Variants in PLAA observed in about 807,000 individuals in gnomAD.
The protein encoded by PLAA is phospholipase A2 activating protein.
PLAA carries 48 observed loss-of-function variants against 84.1 expected under a neutral mutation model. The ratio of observed to expected loss-of-function variants is 0.57; its 90% confidence interval spans 0.45 to 0.73. The LOEUF (loss-of-function observed/expected upper bound fraction) is 0.73, where lower values mean the gene tolerates loss of function less well. PLAA is among the 30% of genes least tolerant of loss of function. The pLI is 0.00. For synonymous variants in PLAA, 392 were observed against 336.6 expected, an observed-to-expected ratio of 1.16 and a Z score of -1.80; for missense variants, 903 against 954.7, an observed-to-expected ratio of 0.95 and a Z score of 0.71.
intron 12 of PLAA, among the ~76,000 whole-genome samples, chr9:26,908,763 C>T (rs1455501303): frequency 1.3e-5 from 2 of 152,112 alleles, no homozygotes; most frequent in Non-Finnish European, 2.9e-5. Flanking sequence ...CATGAGCCAC[C>T]ACGTCCGGCC....
At chr9:26,922,733 G>A (rs958980202) in intron 7 of PLAA, among the ~76,000 whole-genome samples, 5 of 150,750 alleles carry the variant, frequency 3.3e-5, no homozygotes, top group African/African-American at 1.2e-4. Flanking sequence ...ATGGTGTGGT[G>A]TCGGCTCACC....
At chr9:26,910,269 A>C in intron 12 of PLAA, 69 bp downstream of exon 12, 15 of 1,154,548 alleles carry the variant, frequency 1.3e-5, no homozygotes, top group Non-Finnish European at 1.8e-5. Context: ...CATGTTGGCA[A>C]GAGAAACAAC....
chr9:26,935,376 T>C (rs1285451216), intron 1 of PLAA, among the ~76,000 whole-genome samples, 170 bp from the exon 2 acceptor site: 1 of 152,186 alleles, frequency 6.6e-6, no homozygotes, highest in African/African-American at 2.4e-5. Flanking sequence ...TATGAACTAC[T>C]ATAGAGAATT....
intron 1 of PLAA, among the ~76,000 whole-genome samples, chr9:26,946,490 A>T (rs1288661643): frequency 4.6e-5 from 7 of 151,088 alleles, no homozygotes; most frequent in Non-Finnish European, 5.9e-5. Context: ...AATTTTACAG[A>T]AGACTACAGA....
chr9:26,933,438 G>A (rs1180439673), intron 2 of PLAA, among the ~76,000 whole-genome samples: 2 of 151,688 alleles, frequency 1.3e-5, no homozygotes, highest in Non-Finnish European at 2.9e-5. Context: ...GTGACAGACC[G>A]AGACTCCGTC....
chr9:26,927,893 G>A (rs780115968), intron 4 of PLAA, among the ~76,000 whole-genome samples: 1 of 152,076 alleles, frequency 6.6e-6, no homozygotes, highest in Admixed American at 6.5e-5. Flanking sequence ...CTATTTATCA[G>A]TCTACATTTG....
chr9:26,917,032 G>A, intron 10 of PLAA, 65 bp downstream of exon 10: 2 of 1,309,708 alleles, frequency 1.5e-6, no homozygotes, highest in Non-Finnish European at 1.1e-6. Flanking sequence ...AAGATGTAAA[G>A]CCATGTGATG....
chr9:26,945,950 T>C (rs1402825986), intron 1 of PLAA, among the ~76,000 whole-genome samples: 1 of 152,258 alleles, frequency 6.6e-6, no homozygotes, highest in Non-Finnish European at 1.5e-5. Flanking sequence ...TAATTATTTA[T>C]TGGCTTGTTT....
chr9:26,939,296 G>A (rs1038756604), intron 1 of PLAA, among the ~76,000 whole-genome samples: 1 of 152,046 alleles, frequency 6.6e-6, no homozygotes, highest in African/African-American at 2.4e-5. Context: ...GCTGAGGCAG[G>A]AGAATGGCGT....
In PLAA at chr9:26,925,776, C is replaced by T. The variant is rs757620039; in HGVS notation, c.869+49G>A. On this transcript the variant is annotated intron_variant, in intron 6 of 13. Transcript: ENST00000397292. Reference sequence around the variant, plus strand: ...TTATCTCTGTACACTCTAGTTCCTACTGAAGGCCTAGACATATAACATTTA... The same window carrying T: ...TTATCTCTGTACACTCTAGTTCCTATTGAAGGCCTAGACATATAACATTTA... The T allele has an allele frequency of 1.2e-5, 18 of 1,554,016 alleles. No homozygotes were observed. The African/African-American group carries it at 1.4e-4, about 12-fold the overall frequency.
chr9:26,946,994 C>G lies in PLAA; in HGVS notation c.52G>C (p.Glu18Gln), dbSNP rs746683460. 1.9e-6 allele frequency: 3 copies of G among 1,594,840 alleles called. No individual in the cohort carries two copies. In the African/African-American group the frequency reaches 4.0e-5, roughly 21 times the overall value. The change falls in exon 1 of 14, where the codon GAG becomes CAG. Residue 18 changes from glutamate (E) to glutamine (Q), a missense_variant. Glu to Gln is a conservative substitution (Grantham distance 29). Coordinates refer to ENST00000397292, the MANE Select transcript of PLAA (RefSeq NM_001031689.3). ...CACACCAGGCCCCGTACGTCCAGCTCGTGGCCCCGGAGCGAGCAGCTCAGC... is the reference window on the plus strand; with the variant it reads ...CACACCAGGCCCCGTACGTCCAGCTGGTGGCCCCGGAGCGAGCAGCTCAGC... ...YRLSCSLRGHELDVRGLVCCA... is the reference protein window; with the variant it reads ...YRLSCSLRGHQLDVRGLVCCA...
rs12341560 is a variant in PLAA, at chr9:26,913,662, A to G, written c.1555+217T>C. ...AGACCAAGTAAGCATCTCTGGGGAT[A>G]AGGCTGAAGTACGTTTGCAAAGCTC... is the stretch of plus-strand genomic sequence containing the variant. On this transcript the variant is annotated intron_variant, in intron 11 of 13. Transcript: ENST00000397292. Among the ~76,000 whole-genome samples the G allele has an allele frequency of 9.1e-3, 1,379 of 152,278 alleles. 16 individuals are homozygous for G. Among genetic ancestry groups the G allele is most frequent in the African/African-American group, 0.031 (1,286 of 41,560 alleles).
rs1414851067 is a variant in PLAA at position 26,926,035 on chromosome 9, C to T, written c.734-75G>A. On this transcript the variant is annotated intron_variant, in intron 5 of 13. Coordinates refer to ENST00000397292, the MANE Select transcript of PLAA (RefSeq NM_001031689.3). ...TTTATACATACCATCTTTCTAGATA[C>T]ACTGACTTTTTGAAACCCAGAGACT... is the stretch of plus-strand genomic sequence containing the variant. The T allele has an allele frequency of 2.4e-6, 3 of 1,238,648 alleles. No homozygotes were observed. In the African/African-American group the frequency reaches 4.6e-5, roughly 19 times the overall value. 76.7% of individuals were successfully genotyped at this position (1,238,648 alleles called of 1,614,324 possible).
At chr9:26,941,245 G>A (rs77001703) in intron 1 of PLAA, among the ~76,000 whole-genome samples, 1,845 of 151,862 alleles carry the variant, frequency 0.012, 13 homozygotes, top group Middle Eastern at 0.031. Context: ...CTAGTACTCA[G>A]CAAAAGTCTG....
At chr9:26,910,919 C>A (rs1479539255) in intron 11 of PLAA, among the ~76,000 whole-genome samples, 1 of 152,146 alleles carries the variant, frequency 6.6e-6, no homozygotes, top group African/African-American at 2.4e-5. Flanking sequence ...GCATGCTGAT[C>A]TCTCCTTTTA....
intron 13 of PLAA, among the ~76,000 whole-genome samples, chr9:26,906,414 G>C (rs565036621): frequency 1.3e-5 from 2 of 148,646 alleles, no homozygotes; most frequent in South Asian, 4.2e-4. Context: ...CAATTAAACA[G>C]GGAAAGTTCT....
At chr9:26,933,427 G>C (rs1051300864) in intron 2 of PLAA, among the ~76,000 whole-genome samples, 4 of 151,856 alleles carry the variant, frequency 2.6e-5, no homozygotes, top group African/African-American at 7.3e-5. Context: ...ACTCCAGCCT[G>C]GTGACAGACC....
At chr9:26,939,580 A>C (rs1009779799) in intron 1 of PLAA, among the ~76,000 whole-genome samples, 4 of 151,822 alleles carry the variant, frequency 2.6e-5, no homozygotes, top group Non-Finnish European at 4.4e-5. Context: ...AAATGAATTA[A>C]ATTCTCCAAT....
intron 8 of PLAA, among the ~76,000 whole-genome samples, chr9:26,920,021 A>G (rs1184484949): frequency 6.6e-6 from 1 of 152,216 alleles, no homozygotes; most frequent in Non-Finnish European, 1.5e-5. Context: ...ACAATTGCTA[A>G]TTTGTCTCTC....
Sources: gnomAD v4.1 joint callset for allele counts (sites outside exome capture counted in the v4.1 genomes callset) on GRCh38, gnomAD v4.1.1 for gene constraint, MANE v1.5 for transcripts, NCBI Gene and HGNC (gene_info 2026-07-23, HGNC 2026-07-21) for gene names.